The following SNX24 variants were observed in gnomAD, a reference collection of about 807,000 sequenced individuals.
The protein encoded by SNX24 is sorting nexin 24, also known as sorting nexin-24.
SNX24 carries 22 observed loss-of-function variants against 28.7 expected under a neutral mutation model. The ratio of observed to expected loss-of-function variants is 0.77; its 90% CI spans 0.55 to 1.10. The LOEUF is 1.10. SNX24 is among the 50% of genes least tolerant of loss of function. The pLI is 0.00. For synonymous variants in SNX24, 69 were observed against 71.5 expected, an observed-to-expected ratio of 0.96 and a Z score of 0.18; for missense variants, 221 against 201.1, an observed-to-expected ratio of 1.10 and a Z score of -0.60.
intron 1 of SNX24, among the ~76,000 whole-genome samples, chr5:122,850,883 A>G (rs1463421157): frequency 6.6e-6 from 1 of 151,852 alleles, no homozygotes; most frequent in Admixed American, 6.6e-5. Flanking sequence ...AAGAAGTCCC[A>G]GCACAGAAGC....
At chr5:122,847,783 C>A (rs986882159) in intron 1 of SNX24, among the ~76,000 whole-genome samples, 3 of 151,924 alleles carry the variant, frequency 2.0e-5, no homozygotes, top group Admixed American at 6.6e-5. Flanking sequence ...CATGAGCCAC[C>A]ACACCCAGCC....
chr5:122,910,444 A>C (rs966052546), intron 1 of SNX24, among the ~76,000 whole-genome samples: 2 of 152,190 alleles, frequency 1.3e-5, no homozygotes, highest in African/African-American at 4.8e-5. Context: ...CAGCCTGAGG[A>C]AAGACAGACT....
At chr5:123,016,240 T>C (rs1316207587) in intron 5 of SNX24, among the ~76,000 whole-genome samples, 2 of 152,194 alleles carry the variant, frequency 1.3e-5, no homozygotes, top group Admixed American at 1.3e-4. Context: ...ATAGGTAAGA[T>C]ACCTAGATTT....
At chr5:122,884,251 C>CTTTTTTTT (rs758617172) in intron 1 of SNX24, among the ~76,000 whole-genome samples, 2,889 of 91,516 alleles carry the variant, frequency 0.032, 16 homozygotes, top group African/African-American at 0.042. Flanking sequence ...GTTTCTTTTT[C>CTTTTTTTT]TTTTTTTTTT....
intron 3 of SNX24, among the ~76,000 whole-genome samples, chr5:122,952,899 A>G (rs1235694197): frequency 6.6e-6 from 1 of 152,186 alleles, no homozygotes; most frequent in Admixed American, 6.5e-5. Context: ...AACGTCAAAC[A>G]AAAGACATAG....
At chr5:122,916,206 C>A (rs1050340738) in intron 1 of SNX24, among the ~76,000 whole-genome samples, 2 of 152,208 alleles carry the variant, frequency 1.3e-5, no homozygotes, top group African/African-American at 4.8e-5. Context: ...TCCACTGTAT[C>A]TGGTTTTTGT....
intron 3 of SNX24, among the ~76,000 whole-genome samples, chr5:122,970,205 G>C (rs1287987844): frequency 2.0e-5 from 3 of 148,332 alleles, no homozygotes; most frequent in Non-Finnish European, 4.5e-5. Context: ...ATATCTAGTT[G>C]CCTACCTACC....
intron 1 of SNX24, among the ~76,000 whole-genome samples, chr5:122,910,258 C>CTAA (rs1391320342): frequency 6.6e-6 from 1 of 152,164 alleles, no homozygotes; most frequent in Non-Finnish European, 1.5e-5. Context: ...CTCTCCAAGG[C>CTAA]TAATCCCTTG....
intron 5 of SNX24, among the ~76,000 whole-genome samples, chr5:123,015,140 G>A (rs1561740112): frequency 6.6e-6 from 1 of 152,200 alleles, no homozygotes; most frequent in Non-Finnish European, 1.5e-5. Flanking sequence ...CAGAGCAGGG[G>A]TAGCGTCTGA....
At chr5:122,881,435 T>C (rs1383194516) in intron 1 of SNX24, among the ~76,000 whole-genome samples, 1 of 152,130 alleles carries the variant, frequency 6.6e-6, no homozygotes. Flanking sequence ...GGTGAGAGTG[T>C]GTTAGAAATG....
At chr5:123,024,107 A>G (rs1161851297) in intron 5 of SNX24, 21 of 1,425,378 alleles carry the variant, frequency 1.5e-5, no homozygotes, top group Non-Finnish European at 1.9e-5. Flanking sequence ...GGAAGGAAAT[A>G]AGGTTGGTTG....
intron 1 of SNX24, among the ~76,000 whole-genome samples, chr5:122,910,811 T>C (rs1370049460): frequency 6.6e-6 from 1 of 152,150 alleles, no homozygotes; most frequent in Non-Finnish European, 1.5e-5. Flanking sequence ...TCATTTTTTA[T>C]GGCTGCTTAG....
In SNX24 at chr5:122,975,119, A is replaced by G. The variant is rs537422023; in HGVS notation, c.250-24793A>G. Among the ~76,000 whole-genome samples the G allele has an allele frequency of 6.6e-5, 10 of 152,200 alleles. No homozygotes were observed. In the South Asian group the frequency reaches 2.1e-3, roughly 32 times the overall value. ...TCCAGGTGTGCTATTCTTAAACCTTAATGCACTTTAGTTGACCATTACCCC... is the reference window on the plus strand; with the variant it reads ...TCCAGGTGTGCTATTCTTAAACCTTGATGCACTTTAGTTGACCATTACCCC... On this transcript the variant is annotated intron_variant, in intron 3 of 6. Coordinates refer to ENST00000261369, the MANE Select transcript of SNX24 (RefSeq NM_014035.4).
At chr5:122,969,132 T>C (rs950314605) in intron 3 of SNX24, among the ~76,000 whole-genome samples, 6 of 152,074 alleles carry the variant, frequency 3.9e-5, no homozygotes, top group African/African-American at 1.4e-4. Context: ...TTTAAAGATA[T>C]TCTTTTTGTT....
intron 1 of SNX24, among the ~76,000 whole-genome samples, chr5:122,892,565 G>A (rs958524380): frequency 3.3e-5 from 5 of 150,598 alleles, no homozygotes; most frequent in African/African-American, 1.2e-4. Flanking sequence ...TTAGCCTCCC[G>A]AGTAGCTGGG....
At chr5:123,004,441 C>G (rs546177962) in intron 6 of SNX24, among the ~76,000 whole-genome samples, 5 of 152,288 alleles carry the variant, frequency 3.3e-5, no homozygotes, top group African/African-American at 4.8e-5. Context: ...AACAGTGTCT[C>G]CCCTTGGCTT....
chr5:123,006,179 A>G (rs531330107), intron 6 of SNX24, among the ~76,000 whole-genome samples: 7 of 152,310 alleles, frequency 4.6e-5, no homozygotes, highest in Admixed American at 2.6e-4. Context: ...ACCACATTCT[A>G]TCACTTACTT....
intron 3 of SNX24, among the ~76,000 whole-genome samples, chr5:122,991,739 G>A (rs1761858212): frequency 6.6e-6 from 1 of 152,194 alleles, no homozygotes; most frequent in African/African-American, 2.4e-5. Flanking sequence ...GGGATTATAG[G>A]TGTGAGCCCC....
chr5:122,966,163 G>C (rs954041503), intron 3 of SNX24, among the ~76,000 whole-genome samples: 2 of 152,218 alleles, frequency 1.3e-5, no homozygotes, highest in South Asian at 2.1e-4. Context: ...ATTTGGAAAA[G>C]AGGAAATGAT....
Sources: gnomAD v4.1 joint callset for allele counts (sites outside exome capture counted in the v4.1 genomes callset) on GRCh38, gnomAD v4.1.1 for gene constraint, MANE v1.5 for transcripts, NCBI Gene and HGNC (gene_info 2026-07-23, HGNC 2026-07-21) for gene names.